Variants in CMC1 observed in about 807,000 individuals in gnomAD.
CMC1 encodes C-X9-C motif containing 1.
In CMC1, 14 loss-of-function variants were observed where a neutral mutation model predicts 14.1. That is an observed-to-expected ratio of 0.99 (90% CI 0.66 to 1.55). The LOEUF (loss-of-function observed/expected upper bound fraction) is 1.55. Among genes scored for constraint, CMC1 ranks in the 40% most tolerant of loss-of-function variants. The pLI is 0.00. For synonymous variants in CMC1, 50 were observed against 38.4 expected (o/e 1.30, Z -1.12); for missense variants, 127 against 123.8 (o/e 1.03, Z -0.12).
At position 28,282,675 on chromosome 3, in the gene CMC1, C is replaced by G. The variant is rs560324880; in HGVS notation, c.109+19295C>G. Among the ~76,000 whole-genome samples, 248 of 152,218 alleles carry G rather than the reference C, an allele frequency of 1.6e-3. 3 individuals carry two copies. The highest frequency in any genetic ancestry group is 5.6e-3 in the African/African-American group (233 of 41,528). On this transcript the variant is annotated intron_variant, in intron 2 of 3. Coordinates refer to ENST00000466830, the MANE Select transcript of CMC1 (RefSeq NM_182523.2). Reference sequence around the variant, plus strand: ...ACATTGTCAGGCTGCTTTTTTCCTTCTAATCAACACCAGTAATTTTACTCT... The same window carrying G: ...ACATTGTCAGGCTGCTTTTTTCCTTGTAATCAACACCAGTAATTTTACTCT...
At chr3:28,289,213 T>C (rs1041858914) in intron 2 of CMC1, among the ~76,000 whole-genome samples, 6 of 151,930 alleles carry the variant, frequency 3.9e-5, no homozygotes, top group African/African-American at 1.2e-4. Flanking sequence ...CTAAAAATTC[T>C]GAAAGAATTT....
At chr3:28,288,276 C>T (rs1701298065) in intron 2 of CMC1, among the ~76,000 whole-genome samples, 2 of 151,838 alleles carry the variant, frequency 1.3e-5, no homozygotes, top group South Asian at 4.1e-4. Flanking sequence ...GTGAGTTTAC[C>T]TTTATCATAA....
At chr3:28,274,220 CTTTTTT>C (rs544985268) in intron 2 of CMC1, among the ~76,000 whole-genome samples, 2 of 112,326 alleles carry the variant, frequency 1.8e-5, no homozygotes, top group Non-Finnish European at 1.7e-5. Context: ...TTGTTTTTTT[CTTTTTT>C]TTTTTTTTTG....
At chr3:28,269,592 GTCTC>G (rs1166197468) in intron 2 of CMC1, among the ~76,000 whole-genome samples, 2 of 151,042 alleles carry the variant, frequency 1.3e-5, no homozygotes, top group Admixed American at 1.3e-4. Flanking sequence ...TTGAAACCGA[GTCTC>G]TCTCTGTTGC....
chr3:28,284,333 G>A (rs1701058032), intron 2 of CMC1, among the ~76,000 whole-genome samples: 1 of 152,158 alleles, frequency 6.6e-6, no homozygotes, highest in South Asian at 2.1e-4. Flanking sequence ...GATTCAAATT[G>A]TCATATTCTT....
chr3:28,266,676 G>A (rs1700020986), intron 2 of CMC1, among the ~76,000 whole-genome samples: 1 of 152,010 alleles, frequency 6.6e-6, no homozygotes, highest in South Asian at 2.1e-4. Flanking sequence ...ATAGTGCTTA[G>A]CACCTTTCCT....
chr3:28,306,033 C>G (rs1473875465), intron 2 of CMC1, among the ~76,000 whole-genome samples: 1 of 151,720 alleles, frequency 6.6e-6, no homozygotes, highest in African/African-American at 2.4e-5. Context: ...CTGTTCTGTT[C>G]CATTGTTCTG....
intron 2 of CMC1, among the ~76,000 whole-genome samples, chr3:28,265,254 T>G (rs1021993816): frequency 6.6e-6 from 1 of 152,034 alleles, no homozygotes; most frequent in Non-Finnish European, 1.5e-5. Flanking sequence ...ATGTATTGAT[T>G]TTTTAGGCCA....
At chr3:28,270,517 G>C (rs535830543) in intron 2 of CMC1, among the ~76,000 whole-genome samples, 1 of 152,184 alleles carries the variant, frequency 6.6e-6, no homozygotes, top group South Asian at 2.1e-4. Context: ...CAGTGATGTT[G>C]AGCTTTTTTT....
chr3:28,299,489 A>G (rs1348535601), intron 2 of CMC1, among the ~76,000 whole-genome samples: 2 of 152,062 alleles, frequency 1.3e-5, no homozygotes, highest in Non-Finnish European at 2.9e-5. Context: ...TACAATGTAA[A>G]ATAATCTTTT....
At chr3:28,266,160 T>G (rs1400180988) in intron 2 of CMC1, among the ~76,000 whole-genome samples, 1 of 152,232 alleles carries the variant, frequency 6.6e-6, no homozygotes, top group East Asian at 1.9e-4. Context: ...TTTTACTTAA[T>G]GTACACTGAA....
intron 2 of CMC1, among the ~76,000 whole-genome samples, chr3:28,266,643 T>C (rs1036286561): frequency 1.3e-5 from 2 of 152,062 alleles, no homozygotes; most frequent in Admixed American, 6.6e-5. Flanking sequence ...GCGCTCAACC[T>C]ATGTTTCTTT....
At chr3:28,266,630 A>G (rs914683843) in intron 2 of CMC1, among the ~76,000 whole-genome samples, 2 of 152,012 alleles carry the variant, frequency 1.3e-5, no homozygotes, top group African/African-American at 4.8e-5. Flanking sequence ...GGCGTGGACT[A>G]CTGCGCTCAA....
At chr3:28,300,993 A>G (rs1559436891) in intron 2 of CMC1, among the ~76,000 whole-genome samples, 1 of 144,426 alleles carries the variant, frequency 6.9e-6, no homozygotes, top group Non-Finnish European at 1.5e-5. Flanking sequence ...TTCACTTTTA[A>G]GTCTTAGGGG....
chr3:28,259,059 G>T (rs1699589436), intron 1 of CMC1, among the ~76,000 whole-genome samples: 2 of 152,102 alleles, frequency 1.3e-5, no homozygotes, highest in Admixed American at 6.5e-5. Context: ...ATCTAAATTT[G>T]TTCTTCTGTT....
At chr3:28,312,952 G>A (rs756581614) in intron 2 of CMC1, among the ~76,000 whole-genome samples, 43 of 152,158 alleles carry the variant, frequency 2.8e-4, no homozygotes, top group Non-Finnish European at 4.4e-4. Context: ...CTCCTCCCGG[G>A]TTCAAGTGAT....
chr3:28,265,756 C>T (rs1197502703), intron 2 of CMC1, among the ~76,000 whole-genome samples: 1 of 152,040 alleles, frequency 6.6e-6, no homozygotes, highest in Admixed American at 6.6e-5. Context: ...AGAAAGATGC[C>T]TCATTATAGT....
chr3:28,311,362 G>T (rs566590050), intron 2 of CMC1, among the ~76,000 whole-genome samples: 1 of 152,050 alleles, frequency 6.6e-6, no homozygotes, highest in Non-Finnish European at 1.5e-5. Flanking sequence ...TGCAGAGGTC[G>T]CAGGGAGACC....
chr3:28,278,761 A>G (rs1362476004), intron 2 of CMC1, among the ~76,000 whole-genome samples: 1 of 152,244 alleles, frequency 6.6e-6, no homozygotes, highest in Non-Finnish European at 1.5e-5. Context: ...ACTTGTTAAT[A>G]TAGCAGGACC....
Sources: gnomAD v4.1 joint callset for allele counts (sites outside exome capture counted in the v4.1 genomes callset) on GRCh38, gnomAD v4.1.1 for gene constraint, MANE v1.5 for transcripts, NCBI Gene and HGNC (gene_info 2026-07-23, HGNC 2026-07-21) for gene names.